Variants in PHC1 observed in about 807,000 individuals in gnomAD.
The protein encoded by PHC1 is polyhomeotic homolog 1, also known as polyhomeotic-like protein 1.
PHC1 carries 12 observed loss-of-function variants against 104.3 expected under a neutral mutation model. The observed-to-expected ratio is 0.12, with a 90% confidence interval of 0.07 to 0.19. The LOEUF (loss-of-function observed/expected upper bound fraction) is 0.19. Among genes scored for constraint, PHC1 ranks in the 10% least tolerant of loss-of-function variants. PHC1 has a pLI of 1.00. For synonymous variants in PHC1, 302 were observed against 455.8 expected, an observed-to-expected ratio of 0.66 and a Z score of 4.30; for missense variants, 671 against 1,200.0, an observed-to-expected ratio of 0.56 and a Z score of 6.51.
chr12:8,915,418 A>G (rs1454403247), intron 1 of PHC1: 2 of 150,524 alleles, frequency 1.3e-5, no homozygotes, highest in African/African-American at 4.9e-5. Context: ...CCCCCTTCCT[A>G]TGTCCCATCC....
At position 8,921,075 on chromosome 12, in the gene PHC1, C is replaced by A; in HGVS notation, c.306+10C>A. On this transcript the variant is annotated intron_variant, in intron 4 of 14. Transcript: ENST00000544916. Reference sequence around the variant, plus strand: ...CACCACCCAGGCCTCGGTGAGTACGCCCTCTCCCACTGAGAGGCTTCTCTA... The same window carrying A: ...CACCACCCAGGCCTCGGTGAGTACGACCTCTCCCACTGAGAGGCTTCTCTA... 1 of 1,596,642 alleles carries A rather than the reference C, an allele frequency of 6.3e-7. No individual in the cohort carries two copies. The highest frequency in any genetic ancestry group is 8.5e-7 in the Non-Finnish European group (1 of 1,170,352).
rs948119059 is a variant in PHC1, at chr12:8,921,749, G to A, written c.455G>A (p.Arg152Gln). The change falls in exon 5 of 15, where the codon CGG (arginine) becomes CAG (glutamine). Residue 152 changes from arginine to glutamine, a missense_variant and splice_region_variant. Physicochemically the swap from Arg to Gln is conservative, Grantham distance 43. Around this residue, in one of 9 missense-constraint regions of PHC1, gnomAD observed 237 missense variants for 331.1 expected, o/e 0.72. Coordinates refer to ENST00000544916, the MANE Select transcript of PHC1 (RefSeq NM_004426.3). ...LNQSQAQMYLRPQLGNLLQVN... is the reference protein window; with the variant it reads ...LNQSQAQMYLQPQLGNLLQVN... Reference sequence around the variant, plus strand: ...CAGTCTCAGGCCCAGATGTATCTACGGGTAAGCCACAGATGCAGTCACCAT... The same window carrying A: ...CAGTCTCAGGCCCAGATGTATCTACAGGTAAGCCACAGATGCAGTCACCAT... 5 of 1,599,290 alleles carry A rather than the reference G, an allele frequency of 3.1e-6. No homozygotes were observed. The highest frequency in any genetic ancestry group is 2.3e-5 in the East Asian group (1 of 44,010).
In PHC1 at chr12:8,937,021, A is replaced by T. The variant is rs1188890505; in HGVS notation, c.2477+57A>T. The T allele has an allele frequency of 4.3e-6, 6 of 1,405,190 alleles. No homozygotes were observed. The African/African-American group carries it at 7.1e-5, about 17-fold the overall frequency. The allele number at this position is 1,405,190 out of a possible 1,614,324, so 87.0% of individuals were successfully genotyped here. A position where few individuals can be genotyped will look rare whatever the true frequency, so the allele number is the denominator to read the frequency against. ...CACTGGTATCTCCATCTAATGTTAC[A>T]CCCCTTCCCCAGGATCGTCTCATAG... On this transcript the variant is annotated intron_variant, in intron 12 of 14. Coordinates refer to ENST00000544916, the MANE Select transcript of PHC1 (RefSeq NM_004426.3).
At chr12:8,918,128 T>C (rs1034735631) in intron 2 of PHC1, among the ~76,000 whole-genome samples, 5 of 152,248 alleles carry the variant, frequency 3.3e-5, no homozygotes, top group African/African-American at 7.2e-5. Flanking sequence ...TGGAACTCTT[T>C]AGAGATTTAT....
At chr12:8,916,851 T>C (rs1945218055) in intron 1 of PHC1, among the ~76,000 whole-genome samples, 3 of 152,178 alleles carry the variant, frequency 2.0e-5, no homozygotes, top group African/African-American at 7.2e-5. Flanking sequence ...ATTAGTAGCC[T>C]GAGCTGGAAC....
Position 8,934,919 on chromosome 12 carries a change from A to AT in PHC1, c.2254-195dup, listed in dbSNP as rs962330454. 1.3e-4 allele frequency among the ~76,000 whole-genome samples: 20 copies of AT among 148,956 alleles called. No individual in the cohort carries two copies. The East Asian group carries it at 1.6e-3, about 12-fold the overall frequency. On this transcript the variant is annotated intron_variant, in intron 10 of 14. Transcript: ENST00000544916. ...TTATCTGGAAAAAAAGCCAGTTACT[A>AT]TTTTTTTTTTCTCATTTCCAAACAT...
rs139885529 is a variant in PHC1 at position 8,918,913 on chromosome 12, C to T, written c.115-843C>T. 1.6e-4 allele frequency among the ~76,000 whole-genome samples: 25 copies of T among 152,324 alleles called. 2 individuals carry two copies. The highest frequency in any genetic ancestry group is 6.0e-4 in the African/African-American group (25 of 41,574). On this transcript the variant is annotated intron_variant, in intron 2 of 14. Coordinates refer to ENST00000544916, the MANE Select transcript of PHC1 (RefSeq NM_004426.3). ...ACACACCCAGATTATGTAGCCTACT[C>T]CGTACCTAGGTTATACAGTATAGGC...
chr12:8,932,499 T>C, intron 7 of PHC1, 64 bp from the exon 8 acceptor site: 3 of 1,542,430 alleles, frequency 1.9e-6, no homozygotes, highest in Non-Finnish European at 2.7e-6. Flanking sequence ...TTACTTTTAA[T>C]TTAGAATGAT....
At chr12:8,935,852 C>T (rs745932783) in intron 11 of PHC1, among the ~76,000 whole-genome samples, 2 of 152,106 alleles carry the variant, frequency 1.3e-5, no homozygotes, top group Non-Finnish European at 2.9e-5. Context: ...CCAGTGCCTC[C>T]TGGGTTCAAG....
chr12:8,930,999 CT>C (rs1237727533), intron 7 of PHC1, 72 bp downstream of exon 7: 15 of 1,481,106 alleles, frequency 1.0e-5, no homozygotes, highest in South Asian at 2.8e-5. Flanking sequence ...CTTTTTTTGC[CT>C]TTTTTTCTTT....
At chr12:8,914,454 C>T (rs1945138377), upstream of PHC1, 1 of 27,642 alleles carries the variant, frequency 3.6e-5, no homozygotes, top group Non-Finnish European at 7.9e-5. Flanking sequence ...GGCGGAGGGA[C>T]GGCGGGGGGG....
chr12:8,926,307 C>G (rs1565516300), intron 6 of PHC1, among the ~76,000 whole-genome samples: 1 of 152,170 alleles, frequency 6.6e-6, no homozygotes. Flanking sequence ...TTAGTTTACT[C>G]TCCTCAGTCT....
intron 6 of PHC1, among the ~76,000 whole-genome samples, chr12:8,928,691 C>T (rs1424464248): frequency 1.3e-5 from 2 of 152,176 alleles, no homozygotes; most frequent in Non-Finnish European, 2.9e-5. Context: ...CGACACATGA[C>T]CAATGCATTC....
chr12:8,935,755 A>AATT (rs768523503), intron 11 of PHC1, among the ~76,000 whole-genome samples: 1 of 151,914 alleles, frequency 6.6e-6, no homozygotes, highest in African/African-American at 2.4e-5. Context: ...TAATCTTTTG[A>AATT]ATTATTATTA....
chr12:8,919,891 C>T lies in PHC1; in HGVS notation c.225+25C>T. ...GGTGAGAGGTCAGCAGCCAGCTGGC[C>T]CGAGAGGGAGGGGACAGGCACTACA... On this transcript the variant is annotated intron_variant, in intron 3 of 14. Transcript: ENST00000544916. This position sits in a 1 kb window ranked among gnomAD's most constrained non-coding sequence, Gnocchi z 4.9. 1.3e-6 allele frequency: 2 copies of T among 1,586,656 alleles called. No individual in the cohort carries two copies. Among genetic ancestry groups the T allele is most frequent in the Non-Finnish European group, 1.7e-6 (2 of 1,164,328 alleles).
rs1946003969 is a variant in PHC1 at position 8,941,399 on chromosome 12, A to C, written c.*1940A>C. ...GGGTACAGAATAACAACATGAAAGC[A>C]ATCAACCCTGTATAAATAATGTTTC... On this transcript the variant is annotated 3_prime_UTR_variant, in exon 15 of 15. Coordinates refer to ENST00000544916, the MANE Select transcript of PHC1 (RefSeq NM_004426.3). 1 of 184,650 alleles carries C rather than the reference A, an allele frequency of 5.4e-6. No individual in the cohort carries two copies. The highest frequency in any genetic ancestry group is 1.4e-4 in the East Asian group (1 of 6,922). 11.4% of individuals were successfully genotyped at this position (184,650 alleles called of 1,614,324 possible). A position where few individuals can be genotyped will look rare whatever the true frequency, so the allele number is the denominator to read the frequency against.
intron 11 of PHC1, among the ~76,000 whole-genome samples, chr12:8,936,372 A>G (rs1431800181): frequency 2.0e-5 from 3 of 152,136 alleles, no homozygotes; most frequent in Non-Finnish European, 4.4e-5. Flanking sequence ...ACAGAGTGAG[A>G]CTGTCTCAAA....
In PHC1 at chr12:8,938,026, A is replaced by G. The variant is rs747672682; in HGVS notation, c.2826A>G (p.Val942=). ...CCAGTAATCCCAGCCGTTGGAGTGT[A>G]GAGGAGGTGTACGAGTTTATTGCTT... ...FLSSNPSRWS[V]EEVYEFIASL... The change falls in exon 14 of 15, where the codon GTA becomes GTG. Residue 942 remains valine, a synonymous_variant. Coordinates refer to ENST00000544916, the MANE Select transcript of PHC1 (RefSeq NM_004426.3). 4 of 1,607,992 alleles carry G rather than the reference A, an allele frequency of 2.5e-6. No individual in the cohort carries two copies. Among genetic ancestry groups the G allele is most frequent in the Admixed American group, 3.3e-5 (2 of 59,740 alleles).
intron 11 of PHC1, among the ~76,000 whole-genome samples, chr12:8,935,552 G>T (rs1220680699): frequency 6.6e-6 from 1 of 151,994 alleles, no homozygotes; most frequent in Non-Finnish European, 1.5e-5. Context: ...CTTGAACCTG[G>T]GAGGCGGAGG....
Sources: gnomAD v4.1 joint callset for allele counts (sites outside exome capture counted in the v4.1 genomes callset) on GRCh38, gnomAD v4.1.1 for gene constraint, gnomAD v4.1.1 regional missense constraint, Gnocchi (gnomAD v3.1) non-coding constraint, MANE v1.5 for transcripts, NCBI Gene and HGNC (gene_info 2026-07-23, HGNC 2026-07-21) for gene names.